The following CDH12 variants were observed in gnomAD, a reference collection of about 807,000 sequenced individuals.
CDH12 encodes the protein cadherin-12.
A neutral mutation model predicts 74.1 loss-of-function variants in CDH12; 41 were observed. The ratio of observed to expected loss-of-function variants is 0.55; its 90% confidence interval spans 0.43 to 0.72. The LOEUF is 0.72. CDH12 is among the 30% of genes least tolerant of loss of function. CDH12 has a pLI of 0.00. For missense variants in CDH12, 945 were observed against 977.2 expected, an observed-to-expected ratio of 0.97 and a Z score of 0.44; for synonymous variants, 399 against 355.0, an observed-to-expected ratio of 1.12 and a Z score of -1.39.
At chr5:21,952,699 T>C (rs1755920215) in intron 6 of CDH12, among the ~76,000 whole-genome samples, 2 of 152,146 alleles carry the variant, frequency 1.3e-5, no homozygotes, top group South Asian at 4.1e-4. Context: ...ATTCGGTAGT[T>C]TGAATAAGCA....
intron 3 of CDH12, among the ~76,000 whole-genome samples, chr5:22,296,646 CT>C (rs1343551592): frequency 6.6e-6 from 1 of 152,036 alleles, no homozygotes; most frequent in African/African-American, 2.4e-5. Context: ...CTTAATTTGT[CT>C]TCTGTATTTT....
intron 5 of CDH12, among the ~76,000 whole-genome samples, chr5:21,979,479 C>T (rs1349135369): frequency 3.9e-5 from 6 of 152,134 alleles, no homozygotes; most frequent in Admixed American, 6.5e-5. Context: ...GTAAGCAAAT[C>T]TTTCATTCCA....
At chr5:22,135,606 A>T (rs1174833996) in intron 4 of CDH12, among the ~76,000 whole-genome samples, 1 of 152,082 alleles carries the variant, frequency 6.6e-6, no homozygotes, top group Non-Finnish European at 1.5e-5. Flanking sequence ...AAATCAGGGC[A>T]TATATTCAGA....
chr5:22,733,904 T>C (rs957741699), intron 1 of CDH12, among the ~76,000 whole-genome samples: 7 of 151,622 alleles, frequency 4.6e-5, no homozygotes, highest in East Asian at 1.9e-4. Flanking sequence ...AAATAGAGAG[T>C]CTGCCCAGAC....
chr5:22,798,320 A>T (rs1466796633), intron 1 of CDH12, among the ~76,000 whole-genome samples: 2 of 152,158 alleles, frequency 1.3e-5, no homozygotes, highest in Admixed American at 6.5e-5. Context: ...CTTAACAAAA[A>T]CTATAATAGT....
chr5:22,613,941 T>C (rs1488211694), intron 1 of CDH12, among the ~76,000 whole-genome samples: 1 of 152,134 alleles, frequency 6.6e-6, no homozygotes, highest in African/African-American at 2.4e-5. Flanking sequence ...ACAAAATGAA[T>C]ATATTTCCTG....
At chr5:22,600,386 G>T (rs746848368) in intron 1 of CDH12, among the ~76,000 whole-genome samples, 4 of 151,998 alleles carry the variant, frequency 2.6e-5, no homozygotes, top group Admixed American at 6.6e-5. Context: ...GTGTTCATTT[G>T]TAGAGTTTTA....
intron 3 of CDH12, among the ~76,000 whole-genome samples, chr5:22,343,309 CACAG>C (rs1284036255): frequency 1.6e-4 from 20 of 127,494 alleles, no homozygotes; most frequent in East Asian, 6.5e-4. Context: ...CACACACACA[CACAG>C]ACACACACAC....
intron 1 of CDH12, among the ~76,000 whole-genome samples, chr5:22,613,883 T>A (rs1293957994): frequency 1.3e-5 from 2 of 152,088 alleles, no homozygotes; most frequent in Non-Finnish European, 2.9e-5. Context: ...AAAAAATGTT[T>A]AAGTTAACAA....
chr5:22,852,814 T>TC (rs1012217845), intron 1 of CDH12, among the ~76,000 whole-genome samples: 1 of 152,224 alleles, frequency 6.6e-6, no homozygotes, highest in Non-Finnish European at 1.5e-5. Flanking sequence ...AACATTTCTT[T>TC]CCTTCCTCTT....
chr5:22,702,410 T>A (rs1742760591), intron 1 of CDH12, among the ~76,000 whole-genome samples: 1 of 152,102 alleles, frequency 6.6e-6, no homozygotes, highest in African/African-American at 2.4e-5. Context: ...TTTGTTATGG[T>A]CAAGTTTTTC....
At chr5:22,779,878 C>A (rs940059331) in intron 1 of CDH12, among the ~76,000 whole-genome samples, 17 of 152,074 alleles carry the variant, frequency 1.1e-4, no homozygotes, top group South Asian at 4.2e-4. Context: ...AACTAATACA[C>A]TGGTAATTGG....
At chr5:22,229,414 T>G (rs1416439251) in intron 3 of CDH12, among the ~76,000 whole-genome samples, 20 of 136,756 alleles carry the variant, frequency 1.5e-4, no homozygotes, top group African/African-American at 5.2e-4. Context: ...GCCTTGTTAC[T>G]CCAGCCTGGG....
chr5:22,000,996 AG>A (rs1307516932), intron 5 of CDH12, among the ~76,000 whole-genome samples: 1 of 152,156 alleles, frequency 6.6e-6, no homozygotes, highest in Non-Finnish European at 1.5e-5. Context: ...TTTATAAATT[AG>A]AAAATAAAGG....
At chr5:21,788,677 C>G (rs1003688322) in intron 10 of CDH12, among the ~76,000 whole-genome samples, 4 of 152,038 alleles carry the variant, frequency 2.6e-5, no homozygotes, top group Non-Finnish European at 5.9e-5. Context: ...TTCACTTACA[C>G]TTATTATGTT....
At chr5:22,049,183 T>C (rs936539097) in intron 5 of CDH12, among the ~76,000 whole-genome samples, 3 of 152,124 alleles carry the variant, frequency 2.0e-5, no homozygotes, top group Non-Finnish European at 4.4e-5. Context: ...TATGCTGGTG[T>C]TGATATATAC....
At chr5:21,936,792 T>C (rs891196087) in intron 6 of CDH12, among the ~76,000 whole-genome samples, 3 of 152,042 alleles carry the variant, frequency 2.0e-5, no homozygotes, top group African/African-American at 7.2e-5. Context: ...GTTCTTGTGA[T>C]AGTGAGGGGG....
intron 3 of CDH12, among the ~76,000 whole-genome samples, chr5:22,314,606 A>T (rs557914373): frequency 1.3e-5 from 2 of 152,308 alleles, no homozygotes; most frequent in Non-Finnish European, 2.9e-5. Flanking sequence ...TAAAATGTGA[A>T]TATACATGGT....
At chr5:22,655,868 T>C (rs1328726740) in intron 1 of CDH12, among the ~76,000 whole-genome samples, 1 of 152,214 alleles carries the variant, frequency 6.6e-6, no homozygotes, top group East Asian at 1.9e-4. Flanking sequence ...TTCATATGAC[T>C]TAATTAAACT....
Sources: allele counts gnomAD v4.1 joint callset (sites outside exome capture counted in the v4.1 genomes callset), GRCh38; gene constraint gnomAD v4.1.1; transcripts MANE v1.5; gene names NCBI Gene and HGNC (gene_info 2026-07-23, HGNC 2026-07-21).